FBXW7: variants seen among roughly 807,000 people sequenced by gnomAD.
FBXW7 encodes the protein F-box/WD repeat-containing protein 7.
In FBXW7, 11 loss-of-function variants were observed where a neutral mutation model predicts 86.3. That is an observed-to-expected ratio of 0.13 (90% CI 0.08 to 0.21). The LOEUF (loss-of-function observed/expected upper bound fraction) is 0.21, where lower values mean the gene tolerates loss of function less well. FBXW7 is among the 10% of genes least tolerant of loss of function. The pLI is 1.00. For synonymous variants in FBXW7, 313 were observed against 297.9 expected (o/e 1.05, Z -0.52); for missense variants, 488 against 847.4 (o/e 0.58, Z 5.27).
intron 2 of FBXW7, among the ~76,000 whole-genome samples, chr4:152,528,694 A>T (rs1749748514): frequency 6.6e-6 from 1 of 152,220 alleles, no homozygotes; most frequent in Non-Finnish European, 1.5e-5. Context: ...GTGTTCAGAA[A>T]ATGTCACGTA....
Position 152,346,923 on chromosome 4 carries a change from A to G in FBXW7, c.726+7T>C, listed in dbSNP as rs958546123. 2 of 1,612,732 alleles carry G rather than the reference A, an allele frequency of 1.2e-6. No homozygotes were observed. The highest frequency in any genetic ancestry group is 1.3e-5 in the African/African-American group (1 of 74,804). On this transcript the variant is annotated splice_region_variant and intron_variant, in intron 6 of 13. Coordinates refer to ENST00000281708, the MANE Select transcript of FBXW7 (RefSeq NM_001349798.2). ...GGCATTTCAAGTACTATGTTTAGAT[A>G]TGTCACCTGAAACATTTTTAGCCAT...
chr4:152,407,457 G>A (rs1211143514), intron 4 of FBXW7, among the ~76,000 whole-genome samples: 4 of 152,164 alleles, frequency 2.6e-5, no homozygotes, highest in East Asian at 3.9e-4. Flanking sequence ...GGTAGACTAG[G>A]CCAGGGACTT....
intron 2 of FBXW7, among the ~76,000 whole-genome samples, chr4:152,438,549 C>CCTGTAAT (rs1740593732): frequency 1.3e-5 from 2 of 152,194 alleles, no homozygotes; most frequent in East Asian, 3.9e-4. Context: ...GTGGCACACA[C>CCTGTAAT]CTGTAATCTC....
At chr4:152,417,768 G>T (rs1738575027) in intron 2 of FBXW7, among the ~76,000 whole-genome samples, 1 of 152,090 alleles carries the variant, frequency 6.6e-6, no homozygotes, top group African/African-American at 2.4e-5. Flanking sequence ...CTGCTATGAG[G>T]AACAGAACTG....
At chr4:152,517,060 C>A (rs1402954200) in intron 2 of FBXW7, among the ~76,000 whole-genome samples, 1 of 152,146 alleles carries the variant, frequency 6.6e-6, no homozygotes, top group Non-Finnish European at 1.5e-5. Context: ...TGAGCTCAAG[C>A]GATCCACTCG....
At chr4:152,349,015 C>T (rs1027818600) in intron 5 of FBXW7, among the ~76,000 whole-genome samples, 1 of 151,784 alleles carries the variant, frequency 6.6e-6, no homozygotes, top group African/African-American at 2.4e-5. Flanking sequence ...AAGACTATTC[C>T]AATTATGATG....
chr4:152,523,687 C>A (rs1326104942), intron 2 of FBXW7, among the ~76,000 whole-genome samples: 2 of 152,170 alleles, frequency 1.3e-5, no homozygotes, highest in Non-Finnish European at 2.9e-5. Flanking sequence ...GTGCCCCTAC[C>A]TCCAAACACT....
At chr4:152,459,243 G>A (rs1162562445) in intron 2 of FBXW7, among the ~76,000 whole-genome samples, 1 of 152,134 alleles carries the variant, frequency 6.6e-6, no homozygotes, top group South Asian at 2.1e-4. Flanking sequence ...CCAGAAGGAT[G>A]ACATCATTAT....
rs576342139 is a variant in FBXW7 at position 152,359,498 on chromosome 4, G to A, written c.502-9374C>T. On this transcript the variant is annotated intron_variant, in intron 4 of 13. Coordinates refer to ENST00000281708, the MANE Select transcript of FBXW7 (RefSeq NM_001349798.2). Reference sequence around the variant, plus strand: ...TGCACCTGTAGCCCTAGCTACTTGAGAGGCTGGGGCAGGAGGATCGTTTGA... The same window carrying A: ...TGCACCTGTAGCCCTAGCTACTTGAAAGGCTGGGGCAGGAGGATCGTTTGA... Among the ~76,000 whole-genome samples, 5 of 152,216 alleles carry A rather than the reference G, an allele frequency of 3.3e-5. No individual in the cohort carries two copies. The South Asian group carries it at 1.0e-3, about 32-fold the overall frequency.
intron 2 of FBXW7, among the ~76,000 whole-genome samples, chr4:152,463,349 G>GT (rs1343154696): frequency 6.6e-6 from 1 of 151,988 alleles, no homozygotes; most frequent in African/African-American, 2.4e-5. Context: ...AAACTTCGTT[G>GT]TAAGTTTAAA....
At chr4:152,502,943 C>T (rs982008729) in intron 2 of FBXW7, among the ~76,000 whole-genome samples, 1 of 152,098 alleles carries the variant, frequency 6.6e-6, no homozygotes, top group Non-Finnish European at 1.5e-5. Context: ...AGTAAATGTA[C>T]AACAAACGTG....
At chr4:152,441,036 G>A (rs1306218498) in intron 2 of FBXW7, among the ~76,000 whole-genome samples, 1 of 151,396 alleles carries the variant, frequency 6.6e-6, no homozygotes, top group Non-Finnish European at 1.5e-5. Flanking sequence ...TAAAAACATT[G>A]ATCAAGAACA....
intron 4 of FBXW7, among the ~76,000 whole-genome samples, chr4:152,409,214 T>C (rs923393538): frequency 1.3e-5 from 2 of 152,218 alleles, no homozygotes; most frequent in African/African-American, 4.8e-5. Context: ...AAAGGTATCC[T>C]GAGTAAAATT....
intron 5 of FBXW7, 54 bp downstream of exon 5, chr4:152,349,988 G>T: frequency 1.0e-6 from 1 of 1,002,198 alleles, no homozygotes; most frequent in Non-Finnish European, 1.5e-6. Flanking sequence ...AACACTTTCA[G>T]AATCAACTCT....
chr4:152,322,668 C>T lies in FBXW7; in HGVS notation c.*213G>A. 1 of 742,446 alleles carries T rather than the reference C, an allele frequency of 1.3e-6. No individual in the cohort carries two copies. The highest frequency in any genetic ancestry group is 2.7e-5 in the South Asian group (1 of 37,552). 46.0% of individuals were successfully genotyped at this position (742,446 alleles called of 1,614,324 possible). On this transcript the variant is annotated 3_prime_UTR_variant, in exon 14 of 14. Coordinates refer to ENST00000281708, the MANE Select transcript of FBXW7 (RefSeq NM_001349798.2). The stretch of plus-strand genomic sequence containing the variant: ...AAGTGAAGCCTTTTATGTGATGAGA[C>T]AGCAGACGCCTCTCTTGTCAGTTAT...
chr4:152,525,633 CCTT>C (rs1157683209), intron 2 of FBXW7, among the ~76,000 whole-genome samples: 2 of 152,182 alleles, frequency 1.3e-5, no homozygotes, highest in African/African-American at 4.8e-5. Flanking sequence ...GACATGATCT[CCTT>C]CTTTTTTATG....
intron 2 of FBXW7, among the ~76,000 whole-genome samples, chr4:152,424,261 A>C (rs1739185548): frequency 6.6e-6 from 1 of 152,172 alleles, no homozygotes; most frequent in Non-Finnish European, 1.5e-5. Flanking sequence ...GCAGCCACCC[A>C]CGACTTTGAT....
chr4:152,420,686 T>G (rs572740416), intron 2 of FBXW7, among the ~76,000 whole-genome samples: 1 of 152,340 alleles, frequency 6.6e-6, no homozygotes, highest in South Asian at 2.1e-4. Context: ...TCAGAGTTCT[T>G]GGGTTACCAG....
At chr4:152,499,475 CA>C (rs963282641) in intron 2 of FBXW7, among the ~76,000 whole-genome samples, 11 of 152,272 alleles carry the variant, frequency 7.2e-5, no homozygotes, top group African/African-American at 2.6e-4. Flanking sequence ...TGCTTCCAAT[CA>C]AGATCCTCAA....
Sources: allele counts gnomAD v4.1 joint callset (sites outside exome capture counted in the v4.1 genomes callset), GRCh38; gene constraint gnomAD v4.1.1; transcripts MANE v1.5; gene names NCBI Gene and HGNC (gene_info 2026-07-23, HGNC 2026-07-21).